The following ACCSL variants were observed in gnomAD, a reference collection of about 807,000 sequenced individuals.
The protein encoded by ACCSL is 1-aminocyclopropane-1-carboxylate synthase homolog (inactive) like, also known as probable inactive 1-aminocyclopropane-1-carboxylate synthase-like protein 2.
In ACCSL, 55 loss-of-function variants were observed where a neutral mutation model predicts 61.7. The observed-to-expected ratio is 0.89, with a 90% confidence interval of 0.72 to 1.12. The LOEUF is 1.12. Ranked by LOEUF, ACCSL falls within the 50% of genes most tolerant of loss-of-function variation. The pLI, the probability that ACCSL is intolerant of heterozygous loss-of-function variation, is 0.00. For missense variants in ACCSL, 632 were observed against 698.0 expected (o/e 0.91, Z 1.07); for synonymous variants, 258 against 264.3 (o/e 0.98, Z 0.23).
the ACCSL span, among the ~76,000 whole-genome samples, chr11:44,030,413 T>C: frequency 6.6e-6 from 1 of 150,566 alleles, no homozygotes; most frequent in Non-Finnish European, 1.5e-5. Flanking sequence ...CCTCCCCGCC[T>C]ATTCTCCAAG....
the ACCSL span, among the ~76,000 whole-genome samples, chr11:44,027,126 A>C: frequency 6.6e-6 from 1 of 152,294 alleles, no homozygotes; most frequent in Admixed American, 6.5e-5. Context: ...GATTTCCTTA[A>C]ACGCCTAGAT....
At chr11:44,004,741 C>G in the ACCSL span, among the ~76,000 whole-genome samples, 5 of 152,152 alleles carry the variant, frequency 3.3e-5, no homozygotes, top group Non-Finnish European at 7.3e-5. Flanking sequence ...AAAATGCAGT[C>G]CAAGACCAGC....
the ACCSL span, among the ~76,000 whole-genome samples, chr11:44,008,512 A>C: frequency 2.6e-5 from 4 of 152,228 alleles, no homozygotes; most frequent in Non-Finnish European, 5.9e-5. Flanking sequence ...ACTCATCCAA[A>C]TCTCATTTTC....
At chr11:43,990,193 TG>T in the ACCSL span, among the ~76,000 whole-genome samples, 3 of 152,200 alleles carry the variant, frequency 2.0e-5, no homozygotes, top group Non-Finnish European at 4.4e-5. Flanking sequence ...CATTGGTTTG[TG>T]GGGAAGAGAT....
the ACCSL span, among the ~76,000 whole-genome samples, chr11:44,032,073 C>A: frequency 6.6e-6 from 1 of 152,178 alleles, no homozygotes; most frequent in East Asian, 1.9e-4. Flanking sequence ...AAACTGTCCT[C>A]ATACTTAGCG....
At chr11:43,993,536 T>C in the ACCSL span, among the ~76,000 whole-genome samples, 2 of 152,172 alleles carry the variant, frequency 1.3e-5, no homozygotes, top group Non-Finnish European at 2.9e-5. Context: ...CCTACTTCCA[T>C]GGCAAAGTGC....
the ACCSL span, among the ~76,000 whole-genome samples, chr11:43,926,115 G>A: frequency 6.6e-6 from 1 of 152,140 alleles, no homozygotes; most frequent in African/African-American, 2.4e-5. Flanking sequence ...TGGCCAAAAT[G>A]AAAATTGTGT....
chr11:43,939,988 A>G, the ACCSL span, among the ~76,000 whole-genome samples: 1 of 152,086 alleles, frequency 6.6e-6, no homozygotes, highest in African/African-American at 2.4e-5. Flanking sequence ...CTTCAGGGAA[A>G]TCCCAAATGT....
At chr11:44,030,600 G>A in the ACCSL span, among the ~76,000 whole-genome samples, 1 of 152,018 alleles carries the variant, frequency 6.6e-6, no homozygotes, top group Non-Finnish European at 1.5e-5. Flanking sequence ...TTCAATTTTT[G>A]TGTGTCCCTT....
chr11:44,057,283 G>A (rs1000538797), intron 11 of ACCSL, among the ~76,000 whole-genome samples: 1 of 152,172 alleles, frequency 6.6e-6, no homozygotes, highest in Non-Finnish European at 1.5e-5. Flanking sequence ...TTAATTAATA[G>A]CTGGGATATA....
chr11:43,955,577 G>A, the ACCSL span, among the ~76,000 whole-genome samples: 10 of 152,140 alleles, frequency 6.6e-5, no homozygotes, highest in Admixed American at 2.0e-4. Flanking sequence ...GGTGGGCCAC[G>A]GAGTCTACTT....
chr11:43,965,549 A>G, the ACCSL span, among the ~76,000 whole-genome samples: 3 of 152,222 alleles, frequency 2.0e-5, no homozygotes, highest in Non-Finnish European at 2.9e-5. Flanking sequence ...TAGATTCAAT[A>G]TAATCCCTAT....
the ACCSL span, among the ~76,000 whole-genome samples, chr11:43,930,620 G>A: frequency 2.6e-5 from 4 of 152,102 alleles, no homozygotes; most frequent in African/African-American, 9.7e-5. Flanking sequence ...GGCTTCACCA[G>A]AGCCAAGCAG....
At chr11:44,042,631 TTTTTTGTTTGTTTTG>T in the ACCSL span, among the ~76,000 whole-genome samples, 5 of 41,506 alleles carry the variant, frequency 1.2e-4, no homozygotes, top group African/African-American at 2.4e-4. Context: ...TGGTTGTTTT[TTTTTTGTTTGTTTTG>T]TTTGTTTTTT....
At chr11:44,029,456 ATGCACC>A in the ACCSL span, among the ~76,000 whole-genome samples, 1 of 152,234 alleles carries the variant, frequency 6.6e-6, no homozygotes, top group East Asian at 1.9e-4. Context: ...TTGGATACCT[ATGCACC>A]TGCAACAGTG....
chr11:44,032,649 G>A, the ACCSL span, among the ~76,000 whole-genome samples: 2 of 152,150 alleles, frequency 1.3e-5, no homozygotes, highest in African/African-American at 4.8e-5. Context: ...ACTGGAGTGG[G>A]GAGCGGGCGG....
upstream of ACCSL, among the ~76,000 whole-genome samples, chr11:44,043,687 T>G (rs1952585854): frequency 6.6e-6 from 1 of 152,188 alleles, no homozygotes; most frequent in African/African-American, 2.4e-5. Flanking sequence ...AATACATCTG[T>G]GTGTGTATTA....
the ACCSL span, among the ~76,000 whole-genome samples, chr11:44,010,505 C>T: frequency 1.3e-5 from 2 of 152,150 alleles, no homozygotes; most frequent in Admixed American, 1.3e-4. Context: ...ATATGACTGG[C>T]AAAACTTGAA....
the ACCSL span, among the ~76,000 whole-genome samples, chr11:43,947,480 G>A: frequency 3.3e-5 from 5 of 151,996 alleles, no homozygotes; most frequent in African/African-American, 9.7e-5. Context: ...GGCTGGGGCC[G>A]GCTGGGCTGG....
Sources: gnomAD v4.1 joint callset for allele counts (sites outside exome capture counted in the v4.1 genomes callset) on GRCh38, gnomAD v4.1.1 for gene constraint, MANE v1.5 for transcripts, NCBI Gene and HGNC (gene_info 2026-07-23, HGNC 2026-07-21) for gene names.